The following MGMT variants were observed in gnomAD, a reference collection of about 807,000 sequenced individuals.
MGMT encodes the protein O-6-methylguanine-DNA methyltransferase.
In MGMT, 14 loss-of-function variants were observed where a neutral mutation model predicts 15.9. That is an observed-to-expected ratio of 0.88 (90% CI 0.58 to 1.37). The LOEUF (loss-of-function observed/expected upper bound fraction) is 1.37, where lower values mean the gene tolerates loss of function less well. Among genes scored for constraint, MGMT ranks in the 40% most tolerant of loss-of-function variants. The pLI is 0.00. For missense variants in MGMT, 282 were observed against 268.1 expected (o/e 1.05, Z -0.36); for synonymous variants, 130 against 118.2 (o/e 1.10, Z -0.65).
chr10:129,736,476 C>T (rs1171586515), intron 3 of MGMT, among the ~76,000 whole-genome samples: 1 of 146,102 alleles, frequency 6.8e-6, no homozygotes, highest in Non-Finnish European at 1.5e-5. Flanking sequence ...AGATGGGTTT[C>T]CTGAATACAG....
intron 3 of MGMT, among the ~76,000 whole-genome samples, chr10:129,712,292 T>C (rs567843188): frequency 2.4e-4 from 37 of 152,242 alleles, no homozygotes; most frequent in African/African-American, 8.2e-4. Context: ...GTTGAAGGTG[T>C]TCAACGGACG....
At chr10:129,604,322 A>G (rs1256462752) in intron 2 of MGMT, among the ~76,000 whole-genome samples, 4 of 152,188 alleles carry the variant, frequency 2.6e-5, no homozygotes, top group Non-Finnish European at 5.9e-5. Context: ...TAATTCTGAA[A>G]TAAGTCATGC....
intron 3 of MGMT, among the ~76,000 whole-genome samples, chr10:129,718,679 C>T (rs944764985): frequency 5.9e-5 from 9 of 152,216 alleles, no homozygotes; most frequent in African/African-American, 2.2e-4. Flanking sequence ...AAGAGCTGGA[C>T]CATGTGCCCA....
intron 3 of MGMT, among the ~76,000 whole-genome samples, chr10:129,745,550 C>T (rs1251896454): frequency 6.6e-6 from 1 of 152,250 alleles, no homozygotes; most frequent in Non-Finnish European, 1.5e-5. Flanking sequence ...CTTTGAGATT[C>T]ATCCAAGTTG....
chr10:129,594,859 C>G (rs574142995), intron 2 of MGMT, among the ~76,000 whole-genome samples: 3 of 152,316 alleles, frequency 2.0e-5, no homozygotes, highest in Non-Finnish European at 4.4e-5. Flanking sequence ...GTAATATTCC[C>G]CTGCGAGTTA....
At chr10:129,640,917 T>C (rs7909154) in intron 2 of MGMT, among the ~76,000 whole-genome samples, 7,320 of 152,308 alleles carry the variant, frequency 0.048, 216 homozygotes, top group Middle Eastern at 0.088. Context: ...CAAATACTTA[T>C]TGCTGACATA....
chr10:129,664,292 A>C (rs543889547), intron 2 of MGMT, among the ~76,000 whole-genome samples: 149 of 152,328 alleles, frequency 9.8e-4, no homozygotes, highest in African/African-American at 3.5e-3. Context: ...AACTACAAAT[A>C]TTCTTCTTAA....
At chr10:129,696,829 G>T (rs187931236) in intron 2 of MGMT, among the ~76,000 whole-genome samples, 1 of 152,180 alleles carries the variant, frequency 6.6e-6, no homozygotes, top group Non-Finnish European at 1.5e-5. Context: ...ACTTCTTTAC[G>T]CAGCCCAGTC....
chr10:129,736,275 T>G (rs1356784149), intron 3 of MGMT, among the ~76,000 whole-genome samples: 1 of 150,720 alleles, frequency 6.6e-6, no homozygotes, highest in East Asian at 2.0e-4. Context: ...TTTAGGATAG[T>G]TAGCTCTTCT....
chr10:129,745,391 G>A, intron 3 of MGMT, among the ~76,000 whole-genome samples: 1 of 151,962 alleles, frequency 6.6e-6, no homozygotes, highest in Non-Finnish European at 1.5e-5. Context: ...CCCCCTGGCA[G>A]CCACGGCCTC....
intron 2 of MGMT, among the ~76,000 whole-genome samples, chr10:129,680,072 A>C (rs1159398557): frequency 6.6e-6 from 1 of 152,254 alleles, no homozygotes; most frequent in Non-Finnish European, 1.5e-5. Context: ...TTCAGTGGCC[A>C]ACGAGCCCAG....
chr10:129,764,245 T>TG (rs1199634491), intron 4 of MGMT, among the ~76,000 whole-genome samples: 2 of 152,148 alleles, frequency 1.3e-5, no homozygotes, highest in African/African-American at 4.8e-5. Context: ...TGCGGGGTGA[T>TG]GGGGGCCATA....
rs533602986 is a variant in MGMT, at chr10:129,485,408, G to A, written c.-13+18112G>A. Among the ~76,000 whole-genome samples the A allele has an allele frequency of 2.0e-5, 3 of 152,286 alleles. No individual in the cohort carries two copies. The East Asian group carries it at 5.8e-4, about 29-fold the overall frequency. The stretch of plus-strand genomic sequence containing the variant: ...TGCATCCAGCCGTTCTCTGGCGGCT[G>A]GCTCACTTCACTTCCCTTTCCTTGG... On this transcript the variant is annotated intron_variant, in intron 1 of 4. Transcript: ENST00000651593.
intron 1 of MGMT, among the ~76,000 whole-genome samples, chr10:129,508,711 A>C (rs1239826374): frequency 6.6e-6 from 1 of 151,666 alleles, no homozygotes; most frequent in Non-Finnish European, 1.5e-5. Flanking sequence ...TGCCCGGCTG[A>C]CTTTTTGTAT....
chr10:129,760,136 C>T (rs964464081), intron 4 of MGMT, among the ~76,000 whole-genome samples: 11 of 152,302 alleles, frequency 7.2e-5, no homozygotes, highest in Admixed American at 7.2e-4. Context: ...GGTGCCGTTG[C>T]TCTCCCATCT....
intron 2 of MGMT, among the ~76,000 whole-genome samples, chr10:129,545,877 A>G (rs1459287399): frequency 6.6e-6 from 1 of 152,236 alleles, no homozygotes; most frequent in Non-Finnish European, 1.5e-5. Flanking sequence ...TTTATCAGTA[A>G]TTAGATCAGC....
chr10:129,520,304 A>C (rs1355104656), intron 1 of MGMT, among the ~76,000 whole-genome samples: 1 of 152,182 alleles, frequency 6.6e-6, no homozygotes, highest in Non-Finnish European at 1.5e-5. Context: ...GACAGGACCC[A>C]GAGGAGGAGT....
At chr10:129,709,106 A>C (rs768022962) in intron 3 of MGMT, among the ~76,000 whole-genome samples, 1 of 152,232 alleles carries the variant, frequency 6.6e-6, no homozygotes, top group Non-Finnish European at 1.5e-5. Context: ...TGTCCTCTGA[A>C]TCATACAGAA....
intron 1 of MGMT, among the ~76,000 whole-genome samples, chr10:129,508,171 C>T (rs991917205): frequency 1.3e-5 from 2 of 152,138 alleles, no homozygotes; most frequent in South Asian, 2.1e-4. Context: ...TGCTGTGGGG[C>T]AGGGCCAGCC....
Sources: gnomAD v4.1 joint callset for allele counts (sites outside exome capture counted in the v4.1 genomes callset) on GRCh38, gnomAD v4.1.1 for gene constraint, MANE v1.5 for transcripts, NCBI Gene and HGNC (gene_info 2026-07-23, HGNC 2026-07-21) for gene names.